Variants in SLC22A23 observed in about 807,000 individuals in gnomAD.
The protein encoded by SLC22A23 is solute carrier family 22 member 23, also known as ion transporter protein.
SLC22A23 carries 26 observed loss-of-function variants against 61.0 expected under a neutral mutation model. The observed-to-expected ratio is 0.43, with a 90% confidence interval of 0.31 to 0.59. SLC22A23 has a LOEUF of 0.59. Among genes scored for constraint, SLC22A23 ranks in the 20% least tolerant of loss-of-function variants. SLC22A23 has a pLI of 0.11. For missense variants in SLC22A23, 796 were observed against 934.7 expected (o/e 0.85, Z 1.94); for synonymous variants, 430 against 413.9 (o/e 1.04, Z -0.47).
intron 1 of SLC22A23, among the ~76,000 whole-genome samples, chr6:3,421,681 T>C (rs552580436): frequency 4.5e-4 from 68 of 152,168 alleles, no homozygotes; most frequent in Non-Finnish European, 9.0e-4. Context: ...GATGAATCTA[T>C]AAGCCCTCAA....
rs1473824266 is a variant in SLC22A23, at chr6:3,330,056, G to T, written c.914-6054C>A. Among the ~76,000 whole-genome samples, 1 of 152,148 alleles carries T rather than the reference G, an allele frequency of 6.6e-6. No individual in the cohort carries two copies. Among genetic ancestry groups the T allele is most frequent in the Admixed American group, 6.5e-5 (1 of 15,272 alleles). ...AGGCCGACTGGGCCACTAGGACACC[G>T]GGGCTTGGGGATCCCACCGCCCTGC... On this transcript the variant is annotated intron_variant, in intron 3 of 9. Transcript: ENST00000406686. This position sits in a 1 kb window ranked among gnomAD's most constrained non-coding sequence, Gnocchi z 4.7.
chr6:3,337,182 T>C (rs1050613280), intron 3 of SLC22A23, among the ~76,000 whole-genome samples: 3 of 152,224 alleles, frequency 2.0e-5, no homozygotes, highest in South Asian at 4.1e-4. Context: ...GGCTCTGCGC[T>C]AAACACAAAT....
chr6:3,432,415 T>C (rs1770927541), intron 1 of SLC22A23: 1 of 985,034 alleles, frequency 1.0e-6, no homozygotes, highest in Admixed American at 6.1e-5. Context: ...GGAACCAATC[T>C]TCCTTGCTGT....
chr6:3,288,056 C>T (rs558730898), intron 6 of SLC22A23, among the ~76,000 whole-genome samples: 149 of 152,256 alleles, frequency 9.8e-4, no homozygotes, highest in African/African-American at 3.3e-3. Flanking sequence ...TTGCCCCACA[C>T]GAGCGTATCA....
chr6:3,406,812 C>T (rs1165334328), intron 3 of SLC22A23, among the ~76,000 whole-genome samples: 2 of 151,876 alleles, frequency 1.3e-5, no homozygotes, highest in African/African-American at 2.4e-5. Flanking sequence ...GGGAAACAAA[C>T]ATGTAAAGTG....
chr6:3,296,722 C>T (rs1026354169), intron 5 of SLC22A23, among the ~76,000 whole-genome samples: 1 of 152,166 alleles, frequency 6.6e-6, no homozygotes, highest in African/African-American at 2.4e-5. Flanking sequence ...GGCCCCACCC[C>T]ACCCAGCACG....
intron 4 of SLC22A23, among the ~76,000 whole-genome samples, chr6:3,298,858 G>T (rs1203609564): frequency 1.3e-5 from 2 of 151,444 alleles, no homozygotes; most frequent in African/African-American, 4.9e-5. Flanking sequence ...TGTAGTCCCA[G>T]CTACTCGGGA....
chr6:3,349,711 C>T (rs1024551625), intron 3 of SLC22A23, among the ~76,000 whole-genome samples: 1 of 152,192 alleles, frequency 6.6e-6, no homozygotes, highest in Non-Finnish European at 1.5e-5. Flanking sequence ...CACTGAATCT[C>T]AGGAGGTGGA....
intron 6 of SLC22A23, among the ~76,000 whole-genome samples, chr6:3,288,363 G>A (rs368643810): frequency 2.3e-4 from 35 of 152,216 alleles, no homozygotes; most frequent in Non-Finnish European, 4.7e-4. Flanking sequence ...AACAGACCCC[G>A]TCCCTGCCCC....
chr6:3,284,990 G>C (rs1483145682), intron 8 of SLC22A23, 89 bp downstream of exon 8: 1 of 1,562,324 alleles, frequency 6.4e-7, no homozygotes, highest in South Asian at 1.2e-5. Context: ...AAGAGAAAAT[G>C]GAAACCACAG....
intron 9 of SLC22A23, among the ~76,000 whole-genome samples, chr6:3,280,512 T>TTTTTTTTTTTTTTTC (rs781526188): frequency 2.0e-5 from 2 of 98,330 alleles, no homozygotes; most frequent in African/African-American, 7.1e-5. Context: ...TTTTTTTTTT[T>TTTTTTTTTTTTTTTC]TGAGATGGAG....
Position 3,286,480 on chromosome 6 carries a change from G to A in SLC22A23, c.1546+379C>T, listed in dbSNP as rs1406079553. 6.6e-6 allele frequency among the ~76,000 whole-genome samples: 1 copy of A among 152,168 alleles called. No homozygotes were observed. Among genetic ancestry groups the A allele is most frequent in the Non-Finnish European group, 1.5e-5 (1 of 68,032 alleles). The stretch of plus-strand genomic sequence containing the variant: ...CTCGGGAACATCTGCTGAAAAGCAG[G>A]GCCCTAATGCAAGGGTGACAAAACA... On this transcript the variant is annotated intron_variant, in intron 7 of 9. Coordinates refer to ENST00000406686, the MANE Select transcript of SLC22A23 (RefSeq NM_015482.2). The surrounding 1 kb of genome is among the most constrained non-coding windows in gnomAD (Gnocchi z 4.2).
chr6:3,400,584 C>A (rs1475195966), intron 3 of SLC22A23, among the ~76,000 whole-genome samples: 1 of 152,248 alleles, frequency 6.6e-6, no homozygotes, highest in African/African-American at 2.4e-5. Flanking sequence ...CCTGCCCAAT[C>A]TTTCCTAGGT....
intron 4 of SLC22A23, among the ~76,000 whole-genome samples, chr6:3,306,536 CA>C (rs1761986726): frequency 6.6e-6 from 1 of 152,198 alleles, no homozygotes; most frequent in Non-Finnish European, 1.5e-5. Context: ...CCCAGGATTA[CA>C]CAGCTATTCA....
chr6:3,293,858 G>A (rs1188008323), intron 5 of SLC22A23, among the ~76,000 whole-genome samples: 1 of 152,182 alleles, frequency 6.6e-6, no homozygotes, highest in African/African-American at 2.4e-5. Flanking sequence ...TCATTGCTAG[G>A]GGTAGTAGGG....
chr6:3,327,277 C>T lies in SLC22A23; in HGVS notation c.914-3275G>A, dbSNP rs538296415. Among the ~76,000 whole-genome samples, 46 of 152,368 alleles carry T rather than the reference C, an allele frequency of 3.0e-4. No individual in the cohort carries two copies. Among genetic ancestry groups the T allele is most frequent in the Non-Finnish European group, 6.2e-4 (42 of 68,028 alleles). On this transcript the variant is annotated intron_variant, in intron 3 of 9. Transcript: ENST00000406686. This position sits in a 1 kb window ranked among gnomAD's most constrained non-coding sequence, Gnocchi z 4.1. Reference sequence around the variant, plus strand: ...GCTACTGTGGAGAGTAGATCACTCACAGGCAGGTGTCCACAGTGCCCGTGG... The same window carrying T: ...GCTACTGTGGAGAGTAGATCACTCATAGGCAGGTGTCCACAGTGCCCGTGG...
intron 3 of SLC22A23, among the ~76,000 whole-genome samples, chr6:3,409,539 C>T (rs1769066592): frequency 6.6e-6 from 1 of 152,260 alleles, no homozygotes; most frequent in Admixed American, 6.5e-5. Context: ...AAGTATAAAG[C>T]CAGTAAATAA....
chr6:3,339,941 C>T (rs1353804957), intron 3 of SLC22A23, among the ~76,000 whole-genome samples: 1 of 152,166 alleles, frequency 6.6e-6, no homozygotes, highest in Non-Finnish European at 1.5e-5. Flanking sequence ...TCCAGGAATC[C>T]TCTCTTGGGG....
intron 3 of SLC22A23, among the ~76,000 whole-genome samples, chr6:3,406,266 A>T (rs1768820468): frequency 6.6e-6 from 1 of 152,218 alleles, no homozygotes; most frequent in Non-Finnish European, 1.5e-5. Context: ...AAATCAACTT[A>T]AAAAACCACC....
Sources: allele counts gnomAD v4.1 joint callset (sites outside exome capture counted in the v4.1 genomes callset), GRCh38; gene constraint gnomAD v4.1.1; non-coding constraint Gnocchi (gnomAD v3.1); transcripts MANE v1.5; gene names NCBI Gene and HGNC (gene_info 2026-07-23, HGNC 2026-07-21).